The following DCTD variants were observed in gnomAD, a reference collection of about 807,000 sequenced individuals.
The protein encoded by DCTD is dCMP deaminase, also known as deoxycytidylate deaminase.
DCTD carries 23 observed loss-of-function variants against 21.0 expected under a neutral mutation model. That is an observed-to-expected ratio of 1.09 (90% confidence interval 0.79 to 1.55). DCTD has a LOEUF of 1.55. Among genes scored for constraint, DCTD ranks in the 40% most tolerant of loss-of-function variants. DCTD has a pLI of 0.00. For missense variants in DCTD, 224 were observed against 230.0 expected (o/e 0.97, Z 0.17); for synonymous variants, 71 against 81.1 (o/e 0.88, Z 0.67).
intron 3 of DCTD, among the ~76,000 whole-genome samples, chr4:182,903,167 A>G (rs1736051082): frequency 6.6e-6 from 1 of 152,168 alleles, no homozygotes; most frequent in East Asian, 1.9e-4. Context: ...AACTCTGCAA[A>G]TGGGGACTTT....
intron 3 of DCTD, among the ~76,000 whole-genome samples, chr4:182,901,292 G>C (rs552968867): frequency 6.6e-6 from 1 of 152,302 alleles, no homozygotes; most frequent in African/African-American, 2.4e-5. Flanking sequence ...AACTACTGGG[G>C]CCTGAGAAAA....
Position 182,890,318 on chromosome 4 carries a change from C to G in DCTD, c.*1081G>C, listed in dbSNP as rs2854558. 6.6e-6 allele frequency: 1 copy of G among 152,216 alleles called. No individual in the cohort carries two copies. The highest frequency in any genetic ancestry group is 1.5e-5 in the Non-Finnish European group (1 of 68,050). The allele number at this position is 152,216 out of a possible 1,614,324, so 9.4% of individuals were successfully genotyped here. A position where few individuals can be genotyped will look rare whatever the true frequency, so the allele number is the denominator to read the frequency against. On this transcript the variant is annotated 3_prime_UTR_variant, in exon 6 of 6. Coordinates refer to ENST00000438320, the MANE Select transcript of DCTD (RefSeq NM_001921.3). ...TAAATGAGATTAAAGAGAAGGGGCA[C>G]AGCCACACGCTCCCCGCCCCGCGGT...
At chr4:182,903,448 G>C (rs7688234) in intron 3 of DCTD, among the ~76,000 whole-genome samples, 68,145 of 151,960 alleles carry the variant, frequency 0.45, 16,100 homozygotes, top group African/African-American at 0.59. Flanking sequence ...CAGTGTAAGT[G>C]TGTGTGTGAA....
intron 3 of DCTD, among the ~76,000 whole-genome samples, chr4:182,903,883 T>C (rs13137332): frequency 0.049 from 7,381 of 152,168 alleles, 264 homozygotes; most frequent in South Asian, 0.1. Context: ...ACCTAAGAAA[T>C]AGAGAGAAAA....
chr4:182,905,758 G>C (rs1320603226), intron 3 of DCTD, among the ~76,000 whole-genome samples: 1 of 152,106 alleles, frequency 6.6e-6, no homozygotes, highest in Admixed American at 6.6e-5. Context: ...TGACATACCT[G>C]TACTGCTACA....
intron 3 of DCTD, among the ~76,000 whole-genome samples, chr4:182,911,980 G>A (rs891742772): frequency 6.6e-6 from 1 of 152,064 alleles, no homozygotes; most frequent in African/African-American, 2.4e-5. Context: ...TCCAGAACTC[G>A]AGATAATCTC....
intron 5 of DCTD, 90 bp downstream of exon 5, chr4:182,892,941 C>G (rs1476011417): frequency 1.3e-6 from 1 of 762,050 alleles, no homozygotes; most frequent in African/African-American, 1.7e-5. Context: ...GTGTGGAAGT[C>G]AGGCATCACA....
At chr4:182,916,407 C>G in intron 1 of DCTD, 1 of 985,518 alleles carries the variant, frequency 1.0e-6, no homozygotes, top group Non-Finnish European at 1.2e-6. Context: ...AACACAAAAA[C>G]GGGGTGGGTA....
chr4:182,891,626 C>A (rs943147697), intron 5 of DCTD, 149 bp from the exon 6 acceptor site: 4 of 611,666 alleles, frequency 6.5e-6, no homozygotes, highest in Admixed American at 2.7e-5. Context: ...TTATAGTGCA[C>A]CATACCAAGA....
rs904226975 is a variant in DCTD, at chr4:182,890,278, A to C, written c.*1121T>G. ...CCTTTTCTCAACACAGGTACTGAGCATGTTTAATAAAAATTAAATGAGATT... is the reference window on the plus strand; with the variant it reads ...CCTTTTCTCAACACAGGTACTGAGCCTGTTTAATAAAAATTAAATGAGATT... On this transcript the variant is annotated 3_prime_UTR_variant, in exon 6 of 6. Transcript: ENST00000438320. 3 of 152,224 alleles carry C rather than the reference A, an allele frequency of 2.0e-5. No individual in the cohort carries two copies. The highest frequency in any genetic ancestry group is 4.4e-5 in the Non-Finnish European group (3 of 68,040). The allele number at this position is 152,224 out of a possible 1,614,324, so 9.4% of individuals were successfully genotyped here.
At chr4:182,917,488 A>AGGGT (rs1738960511), upstream of DCTD, 7 of 117,012 alleles carry the variant, frequency 6.0e-5, no homozygotes, top group South Asian at 2.1e-3. This position sits in a 1 kb window ranked among gnomAD's most constrained non-coding sequence, Gnocchi z 4.9. Context: ...GAGGGGAGGG[A>AGGGT]GGGAGGGACG....
At chr4:182,914,089 C>A (rs1170158860) in intron 3 of DCTD, among the ~76,000 whole-genome samples, 6 of 152,178 alleles carry the variant, frequency 3.9e-5, no homozygotes, top group Non-Finnish European at 5.9e-5. Context: ...CTCACTACAA[C>A]CTCCACCTCC....
intron 3 of DCTD, among the ~76,000 whole-genome samples, chr4:182,905,936 T>C (rs1330431546): frequency 2.0e-5 from 3 of 152,096 alleles, no homozygotes; most frequent in Non-Finnish European, 4.4e-5. Flanking sequence ...CCAGAACCAT[T>C]TGGGGGGAGT....
At chr4:182,907,240 A>G (rs1429271728) in intron 3 of DCTD, among the ~76,000 whole-genome samples, 1 of 152,078 alleles carries the variant, frequency 6.6e-6, no homozygotes, top group Non-Finnish European at 1.5e-5. Flanking sequence ...AGCTCAAGCA[A>G]TCCTCCCACC....
In DCTD at chr4:182,910,023, T is replaced by C. The variant is rs529741938; in HGVS notation, c.244+4900A>G. ...CCTTTTTAGAGTATCCCTGTAGACA[T>C]AGGAACTGACTCGGGTAAGAGCCCC... On this transcript the variant is annotated intron_variant, in intron 3 of 5. Transcript: ENST00000438320. Among the ~76,000 whole-genome samples, 19 of 152,212 alleles carry C rather than the reference T, an allele frequency of 1.2e-4. No homozygotes were observed. In the South Asian group the frequency reaches 1.9e-3, roughly 15 times the overall value.
At chr4:182,905,132 T>C (rs1238507735) in intron 3 of DCTD, among the ~76,000 whole-genome samples, 2 of 152,120 alleles carry the variant, frequency 1.3e-5, no homozygotes, top group African/African-American at 4.8e-5. Flanking sequence ...AATAAAGCTG[T>C]CCCCATTGTC....
chr4:182,905,206 T>C (rs1227254704), intron 3 of DCTD, among the ~76,000 whole-genome samples: 1 of 152,066 alleles, frequency 6.6e-6, no homozygotes, highest in Non-Finnish European at 1.5e-5. Context: ...CCGCTGAAAC[T>C]GTACTTGGCT....
chr4:182,891,504 T>A (rs138801015), intron 5 of DCTD, 27 bp from the exon 6 acceptor site: 2 of 1,483,764 alleles, frequency 1.3e-6, no homozygotes, highest in Admixed American at 3.3e-5. Flanking sequence ...AATACAATTA[T>A]TATCTGGTGA....
In DCTD at chr4:182,890,552, G is replaced by A. The variant is rs2152852718; in HGVS notation, c.*847C>T. ...TGCGGAGGAGGGGCAACACATCCAT[G>A]TTGGGGACCCCTCCCATCCACAGCC... is the stretch of plus-strand genomic sequence containing the variant. On this transcript the variant is annotated 3_prime_UTR_variant, in exon 6 of 6. Transcript: ENST00000438320. 1 of 152,382 alleles carries A rather than the reference G, an allele frequency of 6.6e-6. No individual in the cohort carries two copies. The allele number at this position is 152,382 out of a possible 1,614,324, so 9.4% of individuals were successfully genotyped here. A position where few individuals can be genotyped will look rare whatever the true frequency, so the allele number is the denominator to read the frequency against.
Sources: gnomAD v4.1 joint callset for allele counts (sites outside exome capture counted in the v4.1 genomes callset) on GRCh38, gnomAD v4.1.1 for gene constraint, Gnocchi (gnomAD v3.1) non-coding constraint, MANE v1.5 for transcripts, NCBI Gene and HGNC (gene_info 2026-07-23, HGNC 2026-07-21) for gene names.